KLRF2: variants seen among roughly 807,000 people sequenced by gnomAD.
The protein encoded by KLRF2 is killer cell lectin-like receptor subfamily F member 2.
Under a neutral mutation model 25.3 loss-of-function variants are expected in KLRF2, and 28 were observed. The ratio of observed to expected loss-of-function variants is 1.11; its 90% CI spans 0.82 to 1.52. KLRF2 has a LOEUF of 1.52. KLRF2 is among the 40% of genes most tolerant of loss of function. The probability of loss-of-function intolerance (pLI) is 0.00; values close to 1 mark genes in which losing one functional copy is unlikely to be tolerated. For missense variants in KLRF2, 265 were observed against 245.8 expected, an observed-to-expected ratio of 1.08 and a Z score of -0.52; for synonymous variants, 73 against 85.0, an observed-to-expected ratio of 0.86 and a Z score of 0.78.
chr12:9,887,033 A>G (rs1450463833), intron 2 of KLRF2, among the ~76,000 whole-genome samples: 1 of 152,174 alleles, frequency 6.6e-6, no homozygotes, highest in East Asian at 1.9e-4. Flanking sequence ...ATAAATAAAT[A>G]TAAGAGGATA....
chr12:9,888,660 C>G, intron 2 of KLRF2, 73 bp from the exon 3 acceptor site: 1 of 847,322 alleles, frequency 1.2e-6, no homozygotes, highest in East Asian at 2.7e-5. Flanking sequence ...TCTGCTGGTA[C>G]TTTATTCTCA....
At chr12:9,882,207 T>C (rs1868101844) in intron 1 of KLRF2, among the ~76,000 whole-genome samples, 2 of 152,090 alleles carry the variant, frequency 1.3e-5, no homozygotes, top group South Asian at 2.1e-4. Context: ...CTTGTTGAAA[T>C]AGCCAAGACC....
intron 2 of KLRF2, among the ~76,000 whole-genome samples, chr12:9,885,648 T>C (rs926564896): frequency 4.6e-5 from 7 of 151,992 alleles, no homozygotes; most frequent in African/African-American, 9.7e-5. Flanking sequence ...CATATTTGTA[T>C]TGGGCAATTG....
At chr12:9,881,690 G>A (rs116321260) in intron 1 of KLRF2, 25 bp downstream of exon 1, 256 of 1,484,910 alleles carry the variant, frequency 1.7e-4, no homozygotes, top group South Asian at 2.3e-4. Context: ...CCCCATCACC[G>A]CATTTAAAAT....
chr12:9,891,654 T>C (rs1348705118), intron 3 of KLRF2, among the ~76,000 whole-genome samples: 2 of 152,212 alleles, frequency 1.3e-5, no homozygotes, highest in Non-Finnish European at 2.9e-5. Flanking sequence ...ACAATTTAGT[T>C]ATCCTGAATC....
At chr12:9,886,314 C>A (rs984034793) in intron 2 of KLRF2, among the ~76,000 whole-genome samples, 4 of 151,994 alleles carry the variant, frequency 2.6e-5, no homozygotes, top group East Asian at 1.9e-4. Context: ...ATTTATATCT[C>A]CTCTCTCCCA....
At chr12:9,888,562 T>C (rs939713762) in intron 2 of KLRF2, among the ~76,000 whole-genome samples, 171 bp from the exon 3 acceptor site, 3 of 152,056 alleles carry the variant, frequency 2.0e-5, no homozygotes, top group Non-Finnish European at 4.4e-5. Flanking sequence ...AAAACAGATA[T>C]GGCGAAACGT....
intron 1 of KLRF2, among the ~76,000 whole-genome samples, chr12:9,883,060 C>G (rs1868111643): frequency 6.6e-6 from 1 of 152,120 alleles, no homozygotes; most frequent in Admixed American, 6.5e-5. Flanking sequence ...AAGGATAGGG[C>G]TGGGAAAATA....
At chr12:9,884,144 A>C (rs908543556) in intron 1 of KLRF2, among the ~76,000 whole-genome samples, 1 of 152,102 alleles carries the variant, frequency 6.6e-6, no homozygotes, top group African/African-American at 2.4e-5. Context: ...CAAAAGTGCT[A>C]ATATGTGGAA....
chr12:9,881,547 T>C lies in KLRF2; in HGVS notation c.-49T>C, dbSNP rs1279714316. On this transcript the variant is annotated 5_prime_UTR_variant, in exon 1 of 6. Transcript: ENST00000535540. ...TATCCAAGGTTGAGATTAGTTTCCA[T>C]TTTCTTTGTACTATTTTCTGGATAA... 1 of 1,336,318 alleles carries C rather than the reference T, an allele frequency of 7.5e-7. No homozygotes were observed. Among genetic ancestry groups the C allele is most frequent in the African/African-American group, 1.4e-5 (1 of 68,996 alleles). The allele number at this position is 1,336,318 out of a possible 1,614,324, so 82.8% of individuals were successfully genotyped here.
In KLRF2 at chr12:9,895,673, G is replaced by T; in HGVS notation, c.480-16G>T. ...TTTTAAGATAAATGCTGAAAAATCT[G>T]TCCTTTGTCTCTTAGGTTTTCAGTG... On this transcript the variant is annotated splice_polypyrimidine_tract_variant and intron_variant, in intron 5 of 5. Coordinates refer to ENST00000535540, the MANE Select transcript of KLRF2 (RefSeq NM_001190765.1). The T allele has an allele frequency of 6.6e-7, 1 of 1,504,546 alleles. No individual in the cohort carries two copies. The highest frequency in any genetic ancestry group is 1.4e-5 in the African/African-American group (1 of 70,758). 93.2% of individuals were successfully genotyped at this position (1,504,546 alleles called of 1,614,324 possible).
At chr12:9,889,315 T>C (rs1488156797) in intron 3 of KLRF2, among the ~76,000 whole-genome samples, 1 of 152,224 alleles carries the variant, frequency 6.6e-6, no homozygotes, top group Non-Finnish European at 1.5e-5. Flanking sequence ...TAGGCCACCA[T>C]ACCTAGGCAG....
Position 9,881,534 on chromosome 12 carries a change from A to G in KLRF2, c.-62A>G. 1 of 1,216,112 alleles carries G rather than the reference A, an allele frequency of 8.2e-7. No individual in the cohort carries two copies. The highest frequency in any genetic ancestry group is 2.0e-5 in the Admixed American group (1 of 49,612). 75.3% of individuals were successfully genotyped at this position (1,216,112 alleles called of 1,614,324 possible). ...TGCCAAAGAGACATATCCAAGGTTG[A>G]GATTAGTTTCCATTTTCTTTGTACT... On this transcript the variant is annotated 5_prime_UTR_variant, in exon 1 of 6. Coordinates refer to ENST00000535540, the MANE Select transcript of KLRF2 (RefSeq NM_001190765.1).
At chr12:9,893,235 A>G in intron 4 of KLRF2, 67 bp downstream of exon 4, 1 of 1,429,444 alleles carries the variant, frequency 7.0e-7, no homozygotes, top group South Asian at 1.3e-5. Context: ...TCACTGCCTA[A>G]GAAGCTTGGG....
chr12:9,892,904 A>AC (rs1491564867), intron 3 of KLRF2, 116 bp from the exon 4 acceptor site: 1 of 323,934 alleles, frequency 3.1e-6, no homozygotes, highest in Non-Finnish European at 3.9e-6. Context: ...TTTATTGACC[A>AC]AAAAAAAAAA....
At chr12:9,894,032 CTT>C (rs1862721222) in intron 5 of KLRF2, among the ~76,000 whole-genome samples, 1 of 151,748 alleles carries the variant, frequency 6.6e-6, no homozygotes, top group Middle Eastern at 3.2e-3. Context: ...CTTTTCTTCT[CTT>C]TCTTTTTCTT....
chr12:9,893,655 A>C, intron 5 of KLRF2, 114 bp downstream of exon 5: 1 of 432,650 alleles, frequency 2.3e-6, no homozygotes. Context: ...TTATCTTTAC[A>C]TTTTTTTCTA....
intron 4 of KLRF2, 109 bp from the exon 5 acceptor site, chr12:9,893,320 G>A (rs577575): frequency 0.13 from 105,863 of 830,448 alleles, 8,946 homozygotes; most frequent in South Asian, 0.34. Context: ...AAATGCTAAT[G>A]TATATGAAAA....
intron 3 of KLRF2, among the ~76,000 whole-genome samples, chr12:9,892,666 C>T (rs925978262): frequency 6.8e-6 from 1 of 146,012 alleles, no homozygotes; most frequent in African/African-American, 2.5e-5. Context: ...CTCACCGCAA[C>T]CTCCACCTCC....
Sources: gnomAD v4.1 joint callset for allele counts (sites outside exome capture counted in the v4.1 genomes callset) on GRCh38, gnomAD v4.1.1 for gene constraint, MANE v1.5 for transcripts, NCBI Gene and HGNC (gene_info 2026-07-23, HGNC 2026-07-21) for gene names.